CADPS2: variants seen among roughly 807,000 people sequenced by gnomAD.
CADPS2 encodes calcium dependent secretion activator 2, also known as calcium-dependent secretion activator 2.
Under a neutral mutation model 172.5 loss-of-function variants are expected in CADPS2, and 93 were observed. That is an observed-to-expected ratio of 0.54 (90% CI 0.46 to 0.64). The LOEUF (loss-of-function observed/expected upper bound fraction) is 0.64. CADPS2 is among the 30% of genes least tolerant of loss of function. The pLI, the probability that CADPS2 is intolerant of heterozygous loss-of-function variation, is 0.00. For synonymous variants in CADPS2, 546 were observed against 555.2 expected (o/e 0.98, Z 0.23); for missense variants, 1,420 against 1,565.9 (o/e 0.91, Z 1.57).
chr7:122,827,247 T>C lies in CADPS2; in HGVS notation c.339+58752A>G, dbSNP rs577378501. On this transcript the variant is annotated intron_variant, in intron 1 of 29. Coordinates refer to ENST00000449022, the MANE Select transcript of CADPS2 (RefSeq NM_017954.11). ...CTCAATATAAAAATGATCATTTCAA[T>C]AGCCCTCTCACTACTAAGGAAATTG... Among the ~76,000 whole-genome samples the C allele has an allele frequency of 2.6e-5, 4 of 152,296 alleles. No homozygotes were observed. In the South Asian group the frequency reaches 6.2e-4, roughly 24 times the overall value.
chr7:122,847,168 C>T (rs886474281), intron 1 of CADPS2, among the ~76,000 whole-genome samples: 1 of 152,140 alleles, frequency 6.6e-6, no homozygotes, highest in Non-Finnish European at 1.5e-5. Flanking sequence ...CTCACTGCAA[C>T]CTCCGCCTCC....
chr7:122,615,567 C>A (rs1465672783), intron 5 of CADPS2, among the ~76,000 whole-genome samples: 3 of 151,986 alleles, frequency 2.0e-5, no homozygotes, highest in African/African-American at 7.3e-5. Flanking sequence ...AAATATAAGC[C>A]ATAGTGAATT....
chr7:122,779,919 A>T (rs1792238337), intron 1 of CADPS2, among the ~76,000 whole-genome samples: 1 of 152,220 alleles, frequency 6.6e-6, no homozygotes, highest in Non-Finnish European at 1.5e-5. Flanking sequence ...GTTGAATCAA[A>T]GACCAGTCAG....
chr7:122,713,373 C>T (rs1049986254), intron 2 of CADPS2, among the ~76,000 whole-genome samples: 3 of 152,030 alleles, frequency 2.0e-5, no homozygotes, highest in Admixed American at 6.6e-5. Context: ...GTTCCCTTAC[C>T]TGTAAAAGAG....
intron 1 of CADPS2, among the ~76,000 whole-genome samples, chr7:122,830,834 C>T (rs1806326158): frequency 6.6e-6 from 1 of 152,068 alleles, no homozygotes; most frequent in Admixed American, 6.6e-5. Flanking sequence ...TAATGCTTTC[C>T]ATCTGCAAAT....
intron 2 of CADPS2, among the ~76,000 whole-genome samples, chr7:122,690,484 C>A (rs2084196802): frequency 6.6e-6 from 1 of 152,180 alleles, no homozygotes; most frequent in South Asian, 2.1e-4. Context: ...AGACCCTTCC[C>A]CACAGGAGGC....
At chr7:122,704,020 C>T (rs926526201) in intron 2 of CADPS2, among the ~76,000 whole-genome samples, 6 of 152,084 alleles carry the variant, frequency 3.9e-5, no homozygotes, top group East Asian at 3.9e-4. Context: ...GCAACACCCA[C>T]TCAAAAATTT....
At chr7:122,617,685 G>T (rs2075079964) in intron 5 of CADPS2, among the ~76,000 whole-genome samples, 2 of 152,114 alleles carry the variant, frequency 1.3e-5, no homozygotes, top group South Asian at 4.1e-4. Flanking sequence ...GGACCATATA[G>T]CACCAAACAT....
chr7:122,663,979 C>T (rs1564001709), intron 2 of CADPS2, among the ~76,000 whole-genome samples: 1 of 149,170 alleles, frequency 6.7e-6, no homozygotes. Flanking sequence ...AGCAGGTCCT[C>T]ACAGACACCA....
chr7:122,664,785 CTTTT>C (rs542369314), intron 2 of CADPS2, among the ~76,000 whole-genome samples: 1 of 151,620 alleles, frequency 6.6e-6, no homozygotes, highest in Non-Finnish European at 1.5e-5. Context: ...TTCAAGTCAA[CTTTT>C]TTTTCTTTTT....
intron 8 of CADPS2, among the ~76,000 whole-genome samples, chr7:122,521,472 C>T (rs1368410564): frequency 4.0e-4 from 5 of 12,466 alleles, no homozygotes; most frequent in South Asian, 1.9e-3. Flanking sequence ...GACTTTTTTG[C>T]GGGGGGGTGA....
chr7:122,412,663 A>T (rs1028958315), intron 19 of CADPS2: 1 of 152,222 alleles, frequency 6.6e-6, no homozygotes, highest in African/African-American at 2.4e-5. Flanking sequence ...ATGACATCGT[A>T]TTTAAAATAT....
intron 13 of CADPS2, among the ~76,000 whole-genome samples, chr7:122,473,858 A>T (rs532553114): frequency 8.5e-5 from 13 of 152,292 alleles, no homozygotes; most frequent in Admixed American, 6.5e-4. Flanking sequence ...AAGGAATTCA[A>T]GTTATACTTT....
At chr7:122,822,908 C>T (rs879512057) in intron 1 of CADPS2, among the ~76,000 whole-genome samples, 8 of 152,080 alleles carry the variant, frequency 5.3e-5, no homozygotes, top group South Asian at 4.2e-4. Context: ...ACTCTCTTTT[C>T]GGACTCACCC....
At chr7:122,845,535 T>G (rs554172235) in intron 1 of CADPS2, among the ~76,000 whole-genome samples, 1 of 152,188 alleles carries the variant, frequency 6.6e-6, no homozygotes, top group East Asian at 1.9e-4. Context: ...AAATGCCATA[T>G]GGCATCAGTC....
At chr7:122,493,080 T>G (rs938760187) in intron 9 of CADPS2, among the ~76,000 whole-genome samples, 2 of 152,170 alleles carry the variant, frequency 1.3e-5, no homozygotes, top group Non-Finnish European at 2.9e-5. Flanking sequence ...TTCTCTTCAT[T>G]TAAAGGGTAT....
intron 1 of CADPS2, among the ~76,000 whole-genome samples, chr7:122,870,741 A>G (rs1191607733): frequency 1.3e-5 from 2 of 152,060 alleles, no homozygotes; most frequent in Non-Finnish European, 2.9e-5. Context: ...CCAGACATAC[A>G]CAATTATTTG....
intron 2 of CADPS2, among the ~76,000 whole-genome samples, chr7:122,719,891 AC>A (rs1472856724): frequency 2.0e-5 from 3 of 152,026 alleles, no homozygotes; most frequent in Non-Finnish European, 2.9e-5. Context: ...AAGAAAAACT[AC>A]CTCTCTGCAG....
chr7:122,865,854 G>C (rs1818175851), intron 1 of CADPS2, among the ~76,000 whole-genome samples: 1 of 152,186 alleles, frequency 6.6e-6, no homozygotes, highest in African/African-American at 2.4e-5. Flanking sequence ...CATATTCCAA[G>C]TGGAAGAAAG....
Sources: gnomAD v4.1 joint callset for allele counts (sites outside exome capture counted in the v4.1 genomes callset) on GRCh38, gnomAD v4.1.1 for gene constraint, MANE v1.5 for transcripts, NCBI Gene and HGNC (gene_info 2026-07-23, HGNC 2026-07-21) for gene names.